The following DNAH7 variants were observed in gnomAD, a reference collection of about 807,000 sequenced individuals.
The protein encoded by DNAH7 is dynein axonemal heavy chain 7.
A neutral mutation model predicts 444.6 loss-of-function variants in DNAH7; 397 were observed. The observed-to-expected ratio is 0.89, with a 90% CI of 0.82 to 0.97. The LOEUF (loss-of-function observed/expected upper bound fraction) is 0.97. Among genes scored for constraint, DNAH7 ranks in the 50% least tolerant of loss-of-function variants. The pLI, the probability that DNAH7 is intolerant of heterozygous loss-of-function variation, is 0.00. For missense variants in DNAH7, 4,902 were observed against 4,800.8 expected (o/e 1.02, Z -0.62); for synonymous variants, 1,636 against 1,624.4 (o/e 1.01, Z -0.17).
chr2:195,946,562 G>A (rs1023232423), intron 19 of DNAH7, among the ~76,000 whole-genome samples: 4 of 152,106 alleles, frequency 2.6e-5, no homozygotes, highest in Admixed American at 6.6e-5. Flanking sequence ...AAGGCACAGG[G>A]CCTTCACATC....
intron 63 of DNAH7, among the ~76,000 whole-genome samples, chr2:195,747,078 T>C (rs1183303153): frequency 1.3e-5 from 2 of 151,982 alleles, no homozygotes; most frequent in Admixed American, 6.5e-5. Context: ...TTTGAAAGCA[T>C]CAACAAAATT....
At position 195,934,726 on chromosome 2, in the gene DNAH7, TAA is replaced by T; in HGVS notation, c.3334_3335del (p.Leu1112ArgfsTer34). ...CGCTGCTCTTCATGTGAGTAATGTCTAAAGTTTCCGTAAATTCTACCTTTGCG... is the reference window on the plus strand; with the variant it reads ...CGCTGCTCTTCATGTGAGTAATGTCTAGTTTCCGTAAATTCTACCTTTGCG... The part of the protein sequence containing the change: ...GIAKVEFTET[L>X]DITHMKSSEG... On this transcript the variant is annotated frameshift_variant, in exon 21 of 65. Transcript: ENST00000312428. LOFTEE classifies it high-confidence loss of function. 1 of 1,614,028 alleles carries T rather than the reference TAA, an allele frequency of 6.2e-7. No homozygotes were observed. The highest frequency in any genetic ancestry group is 2.2e-5 in the East Asian group (1 of 44,876).
At chr2:196,056,419 G>GAAAA (rs57708138) in intron 2 of DNAH7, among the ~76,000 whole-genome samples, 1 of 115,350 alleles carries the variant, frequency 8.7e-6, no homozygotes, top group South Asian at 2.9e-4. Flanking sequence ...CACTCTGTCT[G>GAAAA]AAAAAAAAAA....
intron 45 of DNAH7, among the ~76,000 whole-genome samples, chr2:195,854,551 T>C (rs917021106): frequency 3.3e-5 from 5 of 152,186 alleles, no homozygotes; most frequent in Non-Finnish European, 5.9e-5. Context: ...ATGTTCCCTC[T>C]TTAAATATCT....
chr2:196,050,740 C>T (rs1697414159), intron 3 of DNAH7, among the ~76,000 whole-genome samples: 1 of 152,056 alleles, frequency 6.6e-6, no homozygotes, highest in South Asian at 2.1e-4. Flanking sequence ...AAAAAAGATT[C>T]CAAAATCTAA....
intron 5 of DNAH7, among the ~76,000 whole-genome samples, chr2:196,040,857 A>G (rs1234928892): frequency 2.0e-5 from 3 of 152,138 alleles, no homozygotes; most frequent in Non-Finnish European, 4.4e-5. Flanking sequence ...GAACTGATAA[A>G]TGATTTCAGC....
At chr2:196,044,427 C>T (rs1001066919) in intron 5 of DNAH7, among the ~76,000 whole-genome samples, 3 of 150,290 alleles carry the variant, frequency 2.0e-5, no homozygotes, top group Non-Finnish European at 3.0e-5. Context: ...ATCATGGACT[C>T]TGGAGACTCA....
intron 19 of DNAH7, among the ~76,000 whole-genome samples, chr2:195,952,887 A>G (rs898294949): frequency 6.6e-6 from 1 of 151,956 alleles, no homozygotes; most frequent in Non-Finnish European, 1.5e-5. Flanking sequence ...ATGCTCCTTT[A>G]GCTTGGAGGA....
chr2:195,857,294 A>C (rs1278813188), intron 44 of DNAH7, 83 bp downstream of exon 44: 18 of 1,248,176 alleles, frequency 1.4e-5, no homozygotes, highest in African/African-American at 3.0e-5. Flanking sequence ...TCTCACTTAC[A>C]TAACTTTTAA....
chr2:195,777,721 T>C, intron 59 of DNAH7, 79 bp downstream of exon 59: 2 of 1,435,674 alleles, frequency 1.4e-6, no homozygotes, highest in Non-Finnish European at 9.5e-7. Flanking sequence ...TGCAGCAAAA[T>C]CACCATTTAA....
intron 61 of DNAH7, among the ~76,000 whole-genome samples, chr2:195,770,443 C>G (rs1439923799): frequency 6.6e-6 from 1 of 152,146 alleles, no homozygotes; most frequent in Non-Finnish European, 1.5e-5. Flanking sequence ...CTGTCTCATG[C>G]TCACTCCACT....
At position 195,888,283 on chromosome 2, in the gene DNAH7, A is replaced by G. The variant is rs373326177; in HGVS notation, c.5381T>C (p.Val1794Ala). ...GLFDRMVPVS[V>A]EFIRKHTKEL... ...CTTTGTATGCTTTCTAATAAATTCA[A>G]CCGAAACAGGGACCATTCTGTCAAA... Residue 1794 changes from valine (V) to alanine (A), a missense_variant, in exon 33 of 65, where the codon GTT becomes GCT. Transcript: ENST00000312428. The G allele has an allele frequency of 8.7e-6, 14 of 1,609,884 alleles. No homozygotes were observed. The African/African-American group carries it at 1.5e-4, about 17-fold the overall frequency.
At chr2:195,946,690 T>C (rs1689832107) in intron 19 of DNAH7, among the ~76,000 whole-genome samples, 1 of 151,542 alleles carries the variant, frequency 6.6e-6, no homozygotes, top group South Asian at 2.1e-4. Context: ...TCTCTCTCTT[T>C]CTCTCTCCCT....
intron 61 of DNAH7, among the ~76,000 whole-genome samples, chr2:195,770,624 C>G (rs1694790047): frequency 6.6e-6 from 1 of 152,144 alleles, no homozygotes. Context: ...TCAGAGGGAC[C>G]TGACCCAACC....
chr2:195,760,202 CTG>C (rs1036894784), intron 61 of DNAH7, among the ~76,000 whole-genome samples: 13 of 151,902 alleles, frequency 8.6e-5, no homozygotes, highest in African/African-American at 3.1e-4. Context: ...GATAACACAA[CTG>C]TGTTTGAGAA....
intron 57 of DNAH7, among the ~76,000 whole-genome samples, chr2:195,792,202 C>T (rs1428395515): frequency 2.3e-5 from 3 of 132,190 alleles, no homozygotes; most frequent in African/African-American, 8.3e-5. Flanking sequence ...ACAATAGATA[C>T]TGGAGACTAC....
rs750203188 is a variant in DNAH7, at chr2:195,972,425, T to C, written c.1875A>G (p.Leu625=). 2 of 1,614,152 alleles carry C rather than the reference T, an allele frequency of 1.2e-6. No homozygotes were observed. Among genetic ancestry groups the C allele is most frequent in the Middle Eastern group, 1.6e-4 (1 of 6,062 alleles). The change falls in exon 16 of 65, where the codon CTA becomes CTG. Residue 625 remains leucine (L), a synonymous_variant. Coordinates refer to ENST00000312428, the MANE Select transcript of DNAH7 (RefSeq NM_018897.3). ...TTTTGGAATCCACTAATCTCTGTTC[T>C]AGTTCAATCATATCAGTTACCTCCA... The part of the protein sequence containing the change: ...QKVEVTDMIE[L]EQRLVDSKNC...
chr2:195,842,780 A>G (rs191254190), intron 47 of DNAH7, among the ~76,000 whole-genome samples: 3 of 152,286 alleles, frequency 2.0e-5, no homozygotes, highest in Admixed American at 2.0e-4. Context: ...TTATATGCAG[A>G]TATATCCATC....
In DNAH7 at chr2:195,753,094, AAGAG is replaced by A. The variant is rs769887509; in HGVS notation, c.11764+1239_11764+1242del. Among the ~76,000 whole-genome samples, 111 of 152,314 alleles carry A rather than the reference AAGAG, an allele frequency of 7.3e-4. 1 individual carries two copies. The Middle Eastern group carries it at 0.01, about 14-fold the overall frequency. The stretch of plus-strand genomic sequence containing the variant: ...TAAGAGAGAAATAATTTATTCCTGA[AAGAG>A]AGGGCACAATTAAAGGAGCAAAGCC... On this transcript the variant is annotated intron_variant, in intron 63 of 64. Transcript: ENST00000312428.
Sources: gnomAD v4.1 joint callset for allele counts (sites outside exome capture counted in the v4.1 genomes callset) on GRCh38, gnomAD v4.1.1 for gene constraint, MANE v1.5 for transcripts, NCBI Gene and HGNC (gene_info 2026-07-23, HGNC 2026-07-21) for gene names.